Variants in CPLANE1 observed in about 807,000 individuals in gnomAD.
CPLANE1 encodes ciliogenesis and planar polarity effector complex subunit 1, also known as ciliogenesis and planar polarity effector 1.
In CPLANE1, 263 loss-of-function variants were observed where a neutral mutation model predicts 362.5. The ratio of observed to expected loss-of-function variants is 0.73; its 90% CI spans 0.66 to 0.80. The LOEUF is 0.80. Ranked by LOEUF, CPLANE1 falls within the 30% of genes least tolerant of loss-of-function variation. The probability of loss-of-function intolerance (pLI) is 0.00; values close to 1 mark genes in which losing one functional copy is unlikely to be tolerated. For missense variants in CPLANE1, 3,461 were observed against 3,793.4 expected (o/e 0.91, Z 2.30); for synonymous variants, 1,212 against 1,302.6 (o/e 0.93, Z 1.50).
chr5:37,235,806 G>A (rs528846944), intron 8 of CPLANE1, among the ~76,000 whole-genome samples: 3 of 151,280 alleles, frequency 2.0e-5, no homozygotes, highest in Middle Eastern at 3.5e-3. Flanking sequence ...TCCTGACCTC[G>A]TGATCCGCCC....
intron 15 of CPLANE1, among the ~76,000 whole-genome samples, chr5:37,217,606 C>CAAATAAAT (rs10655258): frequency 0.047 from 6,949 of 147,896 alleles, 526 homozygotes; most frequent in African/African-American, 0.16. Flanking sequence ...GACACCATCT[C>CAAATAAAT]AAATAAATAA....
Position 37,180,186 on chromosome 5 carries a change from G to A in CPLANE1, c.5571-3C>T. On this transcript the variant is annotated splice_polypyrimidine_tract_variant and splice_region_variant and intron_variant, in intron 27 of 52. Transcript: ENST00000651892. ...TTTTTGCTTCAGTTGGCATTCTACT[G>A]AAAAAAATGCAGCAACTAAAATTAC... 1 of 1,433,196 alleles carries A rather than the reference G, an allele frequency of 7.0e-7. No homozygotes were observed. Among genetic ancestry groups the A allele is most frequent in the Non-Finnish European group, 9.2e-7 (1 of 1,087,042 alleles). 88.8% of individuals were successfully genotyped at this position (1,433,196 alleles called of 1,614,324 possible). A position where few individuals can be genotyped will look rare whatever the true frequency, so the allele number is the denominator to read the frequency against.
intron 43 of CPLANE1, among the ~76,000 whole-genome samples, chr5:37,142,870 T>A (rs72736749): frequency 2.6e-5 from 4 of 152,124 alleles, no homozygotes; most frequent in Non-Finnish European, 4.4e-5. Context: ...TACTGAGGAA[T>A]AGGAGATGTG....
At chr5:37,147,255 C>A (rs1051489606) in intron 43 of CPLANE1, among the ~76,000 whole-genome samples, 3 of 152,144 alleles carry the variant, frequency 2.0e-5, no homozygotes, top group Admixed American at 1.3e-4. Flanking sequence ...CTATCCTCAG[C>A]CACAAGGGAA....
chr5:37,146,011 G>C (rs1771462297), intron 43 of CPLANE1, among the ~76,000 whole-genome samples: 1 of 152,110 alleles, frequency 6.6e-6, no homozygotes, highest in Non-Finnish European at 1.5e-5. Context: ...GACTCAATTA[G>C]CAAAACTCAG....
intron 11 of CPLANE1, 57 bp downstream of exon 11, chr5:37,227,186 G>A (rs1796646994): frequency 5.9e-6 from 9 of 1,525,592 alleles, no homozygotes; most frequent in African/African-American, 1.4e-5. Context: ...AACAGAATAT[G>A]TTTCTTGGAA....
At chr5:37,174,233 GCCTGGTC>G (rs1460934664) in intron 31 of CPLANE1, among the ~76,000 whole-genome samples, 1 of 152,064 alleles carries the variant, frequency 6.6e-6, no homozygotes, top group Non-Finnish European at 1.5e-5. Flanking sequence ...TATTTTACTT[GCCTGGTC>G]CCTGTGGACA....
the CPLANE1 span, chr5:37,085,128 AGT>A: frequency 5.3e-6 from 4 of 752,396 alleles, no homozygotes; most frequent in South Asian, 5.6e-5. Context: ...TAAATTGACC[AGT>A]GTGTTTGCTC....
chr5:37,093,982 T>C, the CPLANE1 span, among the ~76,000 whole-genome samples: 1 of 131,556 alleles, frequency 7.6e-6, no homozygotes, highest in Non-Finnish European at 1.5e-5. Flanking sequence ...CTTTGATCAT[T>C]TGCGGGCAGG....
At chr5:37,236,338 A>G (rs748597490) in intron 8 of CPLANE1, among the ~76,000 whole-genome samples, 16 of 152,168 alleles carry the variant, frequency 1.1e-4, no homozygotes, top group Non-Finnish European at 2.2e-4. Flanking sequence ...AGGACACCCT[A>G]TTCAATAAAA....
chr5:37,171,782 CTCTA>C (rs1356896118), intron 32 of CPLANE1, among the ~76,000 whole-genome samples: 24 of 144,560 alleles, frequency 1.7e-4, no homozygotes, highest in Middle Eastern at 3.6e-3. Context: ...CTCTCTCTCT[CTCTA>C]TCTATCTATT....
downstream of CPLANE1, among the ~76,000 whole-genome samples, chr5:37,101,534 A>G (rs980002471): frequency 1.3e-5 from 2 of 152,176 alleles, no homozygotes; most frequent in African/African-American, 4.8e-5. Context: ...TTTTGTATCA[A>G]TGTTCATCAG....
intron 16 of CPLANE1, chr5:37,211,555 C>A: frequency 8.9e-7 from 1 of 1,119,826 alleles, no homozygotes; most frequent in Non-Finnish European, 1.4e-6. Flanking sequence ...GGGGGCACTT[C>A]CTCCAGACGC....
intron 32 of CPLANE1, among the ~76,000 whole-genome samples, chr5:37,170,555 G>A (rs997216573): frequency 6.6e-6 from 1 of 151,834 alleles, no homozygotes; most frequent in African/African-American, 2.4e-5. Context: ...ATACTCACTT[G>A]CGAATGAAAC....
downstream of CPLANE1, among the ~76,000 whole-genome samples, chr5:37,103,077 T>C (rs539875943): frequency 1.3e-4 from 20 of 152,234 alleles, no homozygotes; most frequent in Non-Finnish European, 2.4e-4. Flanking sequence ...TGCTCCTATA[T>C]TGGGTGTATT....
intron 18 of CPLANE1, among the ~76,000 whole-genome samples, chr5:37,203,010 C>T (rs897762971): frequency 9.2e-5 from 14 of 151,676 alleles, no homozygotes; most frequent in African/African-American, 3.1e-4. Context: ...CACAAATTTG[C>T]TCCTAAATTG....
chr5:37,169,700 C>A, intron 33 of CPLANE1, 139 bp from the exon 34 acceptor site: 2 of 703,266 alleles, frequency 2.8e-6, no homozygotes, highest in Non-Finnish European at 4.6e-6. Context: ...ATAAAAAACA[C>A]GATGACTATT....
At chr5:37,130,276 G>C (rs566804527) in intron 46 of CPLANE1, among the ~76,000 whole-genome samples, 1 of 152,000 alleles carries the variant, frequency 6.6e-6, no homozygotes, top group South Asian at 2.1e-4. Context: ...CTACAAATTG[G>C]GTACAGTACA....
At position 37,169,570 on chromosome 5, in the gene CPLANE1, G is replaced by GA. The variant is rs1270814096; in HGVS notation, c.6463-10dup. 3 of 1,563,422 alleles carry GA rather than the reference G, an allele frequency of 1.9e-6. No homozygotes were observed. Among genetic ancestry groups the GA allele is most frequent in the Admixed American group, 4.0e-5 (2 of 49,732 alleles). ...CTCCCATGTGGAACATTCTGGAAGAGAAAAAAGATATTATGTAAGTTTAGA... is the reference window on the plus strand; with the variant it reads ...CTCCCATGTGGAACATTCTGGAAGAGAAAAAAAGATATTATGTAAGTTTAGA... On this transcript the variant is annotated splice_polypyrimidine_tract_variant and intron_variant, in intron 33 of 52. Transcript: ENST00000651892.
Sources: gnomAD v4.1 joint callset for allele counts (sites outside exome capture counted in the v4.1 genomes callset) on GRCh38, gnomAD v4.1.1 for gene constraint, MANE v1.5 for transcripts, NCBI Gene and HGNC (gene_info 2026-07-23, HGNC 2026-07-21) for gene names.